CIMAP1D: variants seen among roughly 807,000 people sequenced by gnomAD.
CIMAP1D encodes protein CIMAP1D.
At chr19:478,248 G>C in the CIMAP1D span, among the ~76,000 whole-genome samples, 1 of 147,542 alleles carries the variant, frequency 6.8e-6, no homozygotes, top group Non-Finnish European at 1.5e-5. Context: ...AGACAGAGGG[G>C]ACAAGGGCCT....
the CIMAP1D span, chr19:474,707 G>A: frequency 2.6e-6 from 4 of 1,555,296 alleles, no homozygotes; most frequent in Admixed American, 1.9e-5. Context: ...AAGGGGGGCT[G>A]TGGCCAGCCG....
At chr19:491,107 A>G in the CIMAP1D span, among the ~76,000 whole-genome samples, 1 of 151,320 alleles carries the variant, frequency 6.6e-6, no homozygotes, top group South Asian at 2.1e-4. Context: ...AAAAAAAAAA[A>G]AAAGTCTACA....
the CIMAP1D span, among the ~76,000 whole-genome samples, chr19:471,774 A>G: frequency 2.7e-5 from 4 of 148,814 alleles, no homozygotes; most frequent in Middle Eastern, 3.2e-3. Context: ...ACAGAGTCTC[A>G]CTCTGTCGCC....
At chr19:483,747 C>T in the CIMAP1D span, among the ~76,000 whole-genome samples, 7 of 152,210 alleles carry the variant, frequency 4.6e-5, no homozygotes, top group Admixed American at 1.3e-4. Context: ...CATGGGTCCC[C>T]GGAAGCTCTG....
chr19:472,402 G>T, the CIMAP1D span: 1 of 1,536,108 alleles, frequency 6.5e-7, no homozygotes, highest in Non-Finnish European at 8.8e-7. Context: ...ACCCTCACTG[G>T]GCCTCCGGAC....
At chr19:472,795 T>C in the CIMAP1D span, among the ~76,000 whole-genome samples, 1 of 151,226 alleles carries the variant, frequency 6.6e-6, no homozygotes, top group Admixed American at 6.6e-5. Flanking sequence ...GTGGGGAAAC[T>C]GAGGCCTGAG....
At chr19:465,409 G>T in the CIMAP1D span, among the ~76,000 whole-genome samples, 1 of 122,062 alleles carries the variant, frequency 8.2e-6, no homozygotes, top group African/African-American at 3.2e-5. Flanking sequence ...GTGGATGGGT[G>T]TGTGGATTGA....
At chr19:488,230 CA>C in the CIMAP1D span, among the ~76,000 whole-genome samples, 322 of 146,570 alleles carry the variant, frequency 2.2e-3, 1 homozygote, top group African/African-American at 7.3e-3. Flanking sequence ...ACTAAAAATA[CA>C]AAAAAAAAAG....
chr19:486,403 G>A, the CIMAP1D span, among the ~76,000 whole-genome samples: 1 of 151,930 alleles, frequency 6.6e-6, no homozygotes, highest in African/African-American at 2.4e-5. Flanking sequence ...TCCACCTCCA[G>A]GATCTTCCTT....
At chr19:474,315 T>C in the CIMAP1D span, among the ~76,000 whole-genome samples, 3 of 152,130 alleles carry the variant, frequency 2.0e-5, no homozygotes, top group African/African-American at 7.2e-5. Context: ...ACGCTGGAAA[T>C]ATTCCCTCCT....
At chr19:464,093 G>T in the CIMAP1D span, 3 of 1,333,920 alleles carry the variant, frequency 2.2e-6, no homozygotes, top group Non-Finnish European at 3.0e-6. Context: ...CCGGGCTGTC[G>T]TACTGGCCCG....
At chr19:489,458 C>A in the CIMAP1D span, 12 of 152,826 alleles carry the variant, frequency 7.9e-5, no homozygotes, top group East Asian at 2.3e-3. Flanking sequence ...CCCATCGGCC[C>A]GGCAGTGGAC....
the CIMAP1D span, chr19:474,532 G>T: frequency 7.8e-7 from 1 of 1,276,136 alleles, no homozygotes; most frequent in Non-Finnish European, 1.0e-6. Context: ...CCTGCCTCCT[G>T]CTGGGCTCCC....
chr19:477,573 C>T, the CIMAP1D span, among the ~76,000 whole-genome samples: 3 of 151,372 alleles, frequency 2.0e-5, no homozygotes, highest in East Asian at 2.0e-4. Context: ...AGTGACAGAG[C>T]GAGACTCCAC....
At chr19:488,093 G>A in the CIMAP1D span, among the ~76,000 whole-genome samples, 33 of 152,256 alleles carry the variant, frequency 2.2e-4, no homozygotes, top group African/African-American at 7.7e-4. Context: ...GACAGGAATT[G>A]CTCACTCGGG....
At chr19:484,203 C>T in the CIMAP1D span, among the ~76,000 whole-genome samples, 10 of 145,470 alleles carry the variant, frequency 6.9e-5, no homozygotes, top group East Asian at 6.0e-4. Context: ...TGCAATGGCG[C>T]GATCTTGGCT....
At chr19:466,699 T>G in the CIMAP1D span, among the ~76,000 whole-genome samples, 2 of 139,414 alleles carry the variant, frequency 1.4e-5, no homozygotes, top group Non-Finnish European at 3.1e-5. Context: ...GGTGGATAGA[T>G]GGTTGGGTGG....
At chr19:472,799 GCCTGA>G in the CIMAP1D span, among the ~76,000 whole-genome samples, 2 of 151,690 alleles carry the variant, frequency 1.3e-5, no homozygotes, top group South Asian at 2.1e-4. Context: ...GGAAACTGAG[GCCTGA>G]GCCTCCCAGA....
the CIMAP1D span, among the ~76,000 whole-genome samples, chr19:470,717 G>T: frequency 6.6e-6 from 1 of 152,182 alleles, no homozygotes; most frequent in South Asian, 2.1e-4. Context: ...AGACCCTTCC[G>T]ACCGCGCTCC....
Sources: gnomAD v4.1 joint callset for allele counts (sites outside exome capture counted in the v4.1 genomes callset) on GRCh38, gnomAD v4.1.1 for gene constraint, MANE v1.5 for transcripts, NCBI Gene and HGNC (gene_info 2026-07-23, HGNC 2026-07-21) for gene names.